APOL3: variants seen among roughly 807,000 people sequenced by gnomAD.
APOL3 encodes TNF-inducible protein CG12-1.
Under a neutral mutation model 11.6 loss-of-function variants are expected in APOL3, and 14 were observed. That is an observed-to-expected ratio of 1.21 (90% CI 0.80 to 1.89). The LOEUF is 1.89. Ranked by LOEUF, APOL3 falls within the 40% of genes most tolerant of loss-of-function variation. The pLI is 0.00. For synonymous variants in APOL3, 192 were observed against 190.6 expected (o/e 1.01, Z -0.06); for missense variants, 483 against 492.1 (o/e 0.98, Z 0.17).
rs375842183 is a variant in APOL3 at position 36,150,572 on chromosome 22, C to A, written c.224-4973G>T. ...CACACTGCCTCTGCACCCTCTGCTGCCAATGAAAATGTGAATGGACCAGTT... is the reference window on the plus strand; with the variant it reads ...CACACTGCCTCTGCACCCTCTGCTGACAATGAAAATGTGAATGGACCAGTT... On this transcript the variant is annotated intron_variant, in intron 1 of 2. Coordinates refer to ENST00000349314, the Ensembl canonical transcript of APOL3. 2.6e-5 allele frequency among the ~76,000 whole-genome samples: 4 copies of A among 152,342 alleles called. No individual in the cohort carries two copies. The South Asian group carries it at 6.2e-4, about 24-fold the overall frequency.
At chr22:36,141,709 C>T in exon 3 of APOL3, 1 of 1,614,064 alleles carries the variant, frequency 6.2e-7, no homozygotes, top group Non-Finnish European at 8.5e-7. Context: ...GTGGTGATCC[C>T]AGTCACAGCA....
intron 2 of APOL3, among the ~76,000 whole-genome samples, chr22:36,143,157 C>A (rs1463760561): frequency 6.6e-6 from 1 of 152,172 alleles, no homozygotes; most frequent in Non-Finnish European, 1.5e-5. Flanking sequence ...ATAAAGGCTT[C>A]CTGATCTAAT....
chr22:36,145,483 C>A lies in APOL3; in HGVS notation c.340G>T (p.Glu114Ter). 6.2e-7 allele frequency: 1 copy of A among 1,614,068 alleles called. No individual in the cohort carries two copies. Among genetic ancestry groups the A allele is most frequent in the Non-Finnish European group, 8.5e-7 (1 of 1,179,962 alleles). ...CCCCACGGAGGTTACCTGGGCAATT[C>A]AGCCGCAGTCACGAATCTCTTCCAG... Residue 114 changes from glutamate to a stop codon, truncating the protein, a stop_gained, in exon 2 of 3, where the codon GAA (glutamate) becomes TAA (stop). Coordinates refer to ENST00000349314, the Ensembl canonical transcript of APOL3. LOFTEE classifies it low-confidence loss of function (END_TRUNC).
chr22:36,160,650 C>A lies in APOL3; in HGVS notation c.223+19G>T. ...GTGAGGATGGGGAGATGGGGAAGGT[C>A]AGACCACCCCTAACTTACCAAGGAA... On this transcript the variant is annotated intron_variant, in intron 1 of 2. Transcript: ENST00000349314. The A allele has an allele frequency of 6.2e-7, 1 of 1,613,044 alleles. No homozygotes were observed. Among genetic ancestry groups the A allele is most frequent in the South Asian group, 1.1e-5 (1 of 91,028 alleles).
intron 1 of APOL3, among the ~76,000 whole-genome samples, chr22:36,155,397 G>A (rs1044443788): frequency 6.6e-6 from 1 of 152,076 alleles, no homozygotes; most frequent in South Asian, 2.1e-4. Context: ...CATCCTCATC[G>A]AAAGCCTCTC....
intron 1 of APOL3, chr22:36,153,328 T>C (rs1196016578): frequency 6.6e-6 from 3 of 452,762 alleles, no homozygotes; most frequent in Non-Finnish European, 1.3e-5. Context: ...TTAAAGTTGA[T>C]GGAGAAGTGT....
intron 1 of APOL3, among the ~76,000 whole-genome samples, chr22:36,156,313 T>C (rs907907793): frequency 6.6e-6 from 1 of 152,130 alleles, no homozygotes; most frequent in Non-Finnish European, 1.5e-5. Context: ...CCCAGGCTTG[T>C]CCTGAACTCC....
In APOL3 at chr22:36,160,699, A is replaced by G. The variant is rs1402337055; in HGVS notation, c.193T>C (p.Cys65Arg). 3.7e-6 allele frequency: 6 copies of G among 1,614,074 alleles called. No homozygotes were observed. The Admixed American group carries it at 6.7e-5, about 18-fold the overall frequency. ...AAGCTTCTCTTGAAAGAGTGTGAGC[A>G]AGATCCAGCTGTTCTGAGCTGTGTG... Residue 65 changes from cysteine to arginine, a missense_variant, in exon 1 of 3, where the codon TGC becomes CGC. By Grantham distance (180) the Cys-to-Arg change is radical. Coordinates refer to ENST00000349314, the Ensembl canonical transcript of APOL3.
chr22:36,148,992 T>G, intron 1 of APOL3, 54 bp downstream of exon 2: 5 of 1,359,822 alleles, frequency 3.7e-6, no homozygotes, highest in Non-Finnish European at 4.9e-6. Flanking sequence ...AACGCCACCC[T>G]CCATTCTAGG....
At chr22:36,149,515 T>C (rs2060350780) in intron 1 of APOL3, 2 of 644,350 alleles carry the variant, frequency 3.1e-6, no homozygotes, top group Non-Finnish European at 4.9e-6. Flanking sequence ...TGATAACTAA[T>C]TGATAATAGC....
chr22:36,160,569 T>C, intron 1 of APOL3, 100 bp downstream of exon 1: 1 of 1,293,166 alleles, frequency 7.7e-7, no homozygotes. Flanking sequence ...GTCAGTTACC[T>C]AACCTCTCTG....
intron 1 of APOL3, 69 bp from the exon 2 acceptor site, chr22:36,149,211 G>A (rs2060336644): frequency 7.6e-7 from 1 of 1,314,796 alleles, no homozygotes; most frequent in African/African-American, 1.5e-5. Context: ...GGTTGGAGGG[G>A]CTGGATCTCT....
intron 1 of APOL3, 151 bp downstream of exon 1, chr22:36,160,518 G>T (rs1180575597): frequency 5.2e-6 from 4 of 763,156 alleles, no homozygotes; most frequent in Middle Eastern, 3.7e-4. Context: ...TAAAACCTGG[G>T]TGCAAATTCA....
exon 3 of APOL3, chr22:36,141,362 A>G (rs762390705): frequency 2.6e-5 from 42 of 1,614,064 alleles, no homozygotes; most frequent in Non-Finnish European, 3.4e-5. Context: ...CATCCAGTGC[A>G]AGGAAGATGC....
chr22:36,143,705 C>T (rs1394244209), intron 2 of APOL3, among the ~76,000 whole-genome samples: 2 of 152,234 alleles, frequency 1.3e-5, no homozygotes, highest in Non-Finnish European at 2.9e-5. Context: ...AGCCACTTGA[C>T]GGCCTCCTGA....
At chr22:36,163,708 C>A (rs111239577), upstream of APOL3, among the ~76,000 whole-genome samples, 112 of 152,340 alleles carry the variant, frequency 7.4e-4, no homozygotes, top group South Asian at 7.0e-3. Flanking sequence ...GGGACACTCT[C>A]TCCTGGTAAT....
intron 2 of APOL3, among the ~76,000 whole-genome samples, chr22:36,145,017 AAAAAAAAAG>A (rs2060136970): frequency 2.0e-5 from 2 of 98,410 alleles, no homozygotes; most frequent in Non-Finnish European, 4.6e-5. Context: ...CTCAAAAAAA[AAAAAAAAAG>A]AAAAAAAAAG....
At chr22:36,154,672 GT>G (rs1420256917) in intron 1 of APOL3, 1 of 470,242 alleles carries the variant, frequency 2.1e-6, no homozygotes, top group South Asian at 1.6e-5. Flanking sequence ...CACACACAGG[GT>G]GACTCTGAGA....
chr22:36,160,927 G>T lies in APOL3; in HGVS notation c.-36C>A. 8 of 1,591,888 alleles carry T rather than the reference G, an allele frequency of 5.0e-6. No homozygotes were observed. In the East Asian group the frequency reaches 1.6e-4, roughly 31 times the overall value. ...GCAGCACCCTTGGTCCCACCCTCCT[G>T]CTGATCCAAGAGCAGCCCCAGACGT... On this transcript the variant is annotated 5_prime_UTR_variant, in exon 1 of 3. Transcript: ENST00000349314.
Sources: allele counts gnomAD v4.1 joint callset (sites outside exome capture counted in the v4.1 genomes callset), GRCh38; gene constraint gnomAD v4.1.1; transcripts MANE v1.5; gene names NCBI Gene and HGNC (gene_info 2026-07-23, HGNC 2026-07-21).